Variants in MYO1B observed in about 807,000 individuals in gnomAD.
The protein encoded by MYO1B is unconventional myosin-Ib.
MYO1B carries 72 observed loss-of-function variants against 159.7 expected under a neutral mutation model. The observed-to-expected ratio is 0.45, with a 90% CI of 0.37 to 0.55. The LOEUF (loss-of-function observed/expected upper bound fraction) is 0.55, where lower values mean the gene tolerates loss of function less well. Ranked by LOEUF, MYO1B falls within the 20% of genes least tolerant of loss-of-function variation. The pLI, the probability that MYO1B is intolerant of heterozygous loss-of-function variation, is 0.00. For synonymous variants in MYO1B, 468 were observed against 473.8 expected (o/e 0.99, Z 0.16); for missense variants, 1,062 against 1,364.8 (o/e 0.78, Z 3.50).
chr2:191,368,490 TA>T lies in MYO1B; in HGVS notation c.1033-1051del, dbSNP rs200288433. Among the ~76,000 whole-genome samples the T allele has an allele frequency of 1.2e-3, 186 of 152,330 alleles. 1 individual carries two copies. The highest frequency in any genetic ancestry group is 4.2e-3 in the African/African-American group (173 of 41,562). ...GGCACTCGGTGCATTTAAGGGTGTT[TA>T]GATTCTTCTGTCCAAACCTGACTTT... On this transcript the variant is annotated intron_variant, in intron 11 of 30. Coordinates refer to ENST00000392318, the MANE Select transcript of MYO1B (RefSeq NM_001130158.3).
intron 2 of MYO1B, among the ~76,000 whole-genome samples, chr2:191,279,923 C>T (rs151107143): frequency 2.0e-3 from 304 of 152,238 alleles, no homozygotes; most frequent in African/African-American, 7.1e-3. Context: ...GACCCTTGCC[C>T]CAGACTTTTG....
intron 21 of MYO1B, 47 bp downstream of exon 21, chr2:191,396,544 T>A (rs985379389): frequency 6.3e-7 from 1 of 1,589,528 alleles, no homozygotes; most frequent in Admixed American, 1.7e-5. Context: ...TTTTCTGGTT[T>A]TTCACAAAGG....
intron 21 of MYO1B, among the ~76,000 whole-genome samples, chr2:191,398,335 C>A (rs1476911839): frequency 8.1e-6 from 1 of 123,860 alleles, no homozygotes; most frequent in Non-Finnish European, 1.8e-5. Context: ...GCTGGCCGGG[C>A]AGGGGGGCTC....
chr2:191,397,164 G>T (rs1574601921), intron 21 of MYO1B, among the ~76,000 whole-genome samples: 6 of 90,882 alleles, frequency 6.6e-5, no homozygotes, highest in East Asian at 3.3e-4. Context: ...TTTTGTAGGT[G>T]GGATGTATTT....
chr2:191,408,146 C>A lies in MYO1B; in HGVS notation c.2588C>A (p.Ala863Asp). The A allele has an allele frequency of 6.2e-7, 1 of 1,613,078 alleles. No homozygotes were observed. The highest frequency in any genetic ancestry group is 8.5e-7 in the Non-Finnish European group (1 of 1,179,300). ...AGAGAATACAGGAAATTCTTCAGAGCCAATGCTGGAAAGAAAATCTATGAG... is the reference window on the plus strand; with the variant it reads ...AGAGAATACAGGAAATTCTTCAGAGACAATGCTGGAAAGAAAATCTATGAG... ...VRREYRKFFR[A>D]NAGKKIYEFT... The change falls in exon 25 of 31, where the codon GCC becomes GAC. Residue 863 changes from alanine (A) to aspartate (D), a missense_variant. Coordinates refer to ENST00000392318, the MANE Select transcript of MYO1B (RefSeq NM_001130158.3).
In MYO1B at chr2:191,416,307, C is replaced by T. The variant is rs745950334; in HGVS notation, c.3287+65C>T. On this transcript the variant is annotated intron_variant, in intron 30 of 30. Transcript: ENST00000392318. ...AGCTTTTTTGTTTTAGTTCAGCTCT[C>T]GATCTCATTCATTAATACAACTACT... 43 of 1,572,650 alleles carry T rather than the reference C, an allele frequency of 2.7e-5. No individual in the cohort carries two copies. In the African/African-American group the frequency reaches 2.8e-4, roughly 10 times the overall value.
At chr2:191,308,993 T>C (rs528740177) in intron 3 of MYO1B, among the ~76,000 whole-genome samples, 1 of 152,226 alleles carries the variant, frequency 6.6e-6, no homozygotes, top group Non-Finnish European at 1.5e-5. Context: ...GCTTTTTTCC[T>C]CTGTAGGCAT....
chr2:191,396,275 T>A (rs1022909916), intron 20 of MYO1B, among the ~76,000 whole-genome samples, 154 bp from the exon 21 acceptor site: 6 of 152,216 alleles, frequency 3.9e-5, no homozygotes, highest in Non-Finnish European at 8.8e-5. Context: ...AATATTGGAT[T>A]GTTTGATATT....
chr2:191,245,652 T>TCC (rs1685735904), intron 1 of MYO1B, 26 bp downstream of exon 1: 1 of 151,984 alleles, frequency 6.6e-6, no homozygotes, highest in African/African-American at 2.4e-5. Flanking sequence ...TCTCTCTCTC[T>TCC]CCCCTGCCCT....
intron 7 of MYO1B, among the ~76,000 whole-genome samples, chr2:191,355,736 G>A (rs1198839275): frequency 6.6e-6 from 1 of 152,228 alleles, no homozygotes; most frequent in East Asian, 1.9e-4. Flanking sequence ...TCACTGCTCA[G>A]CAAAGTATTT....
chr2:191,383,287 A>G lies in MYO1B; in HGVS notation c.1298A>G (p.Glu433Gly), dbSNP rs1016908955. The change falls in exon 15 of 31, where the codon GAA (glutamate) becomes GGA (glycine). Residue 433 changes from glutamate (E) to glycine (G), a missense_variant. Around this residue, in one of 5 missense-constraint regions of MYO1B, gnomAD observed 415 missense variants for 544.0 expected, o/e 0.76. Coordinates refer to ENST00000392318, the MANE Select transcript of MYO1B (RefSeq NM_001130158.3). The stretch of plus-strand genomic sequence containing the variant: ...TTCTGTTTTGTCTTTTAGGATATAG[A>G]ATGGACTCACATTGACTACTTCAAT... ...EQEEYIREDI[E>G]WTHIDYFNNA... 6.3e-7 allele frequency: 1 copy of G among 1,576,012 alleles called. No individual in the cohort carries two copies. The highest frequency in any genetic ancestry group is 8.6e-7 in the Non-Finnish European group (1 of 1,162,544).
At position 191,341,583 on chromosome 2, in the gene MYO1B, C is replaced by T. The variant is rs773576137; in HGVS notation, c.451+18C>T. The stretch of plus-strand genomic sequence containing the variant: ...CCTGGAAGGTAGGATGTGTTATGTT[C>T]ATTAAGTCGGTGTGACTCAAACAGT... On this transcript the variant is annotated intron_variant, in intron 5 of 30. Transcript: ENST00000392318. 4 of 1,594,604 alleles carry T rather than the reference C, an allele frequency of 2.5e-6. No individual in the cohort carries two copies. Among genetic ancestry groups the T allele is most frequent in the Non-Finnish European group, 3.4e-6 (4 of 1,163,358 alleles).
rs201069395 is a variant in MYO1B at position 191,414,682 on chromosome 2, C to G, written c.3159+13C>G. 1 of 1,599,012 alleles carries G rather than the reference C, an allele frequency of 6.3e-7. No individual in the cohort carries two copies. The highest frequency in any genetic ancestry group is 2.3e-5 in the East Asian group (1 of 44,384). ...CCACCTCAAAGAGGTAAAGGTTCAA[C>G]AGAAGATTTCTGTGCTTAATCTCTC... On this transcript the variant is annotated intron_variant, in intron 29 of 30. Transcript: ENST00000392318.
chr2:191,329,858 G>T (rs1691347397), intron 3 of MYO1B, 77 bp from the exon 4 acceptor site: 1 of 1,222,024 alleles, frequency 8.2e-7, no homozygotes, highest in Non-Finnish European at 1.2e-6. Context: ...GGCCCTTTAA[G>T]GAGCTTGTAG....
At chr2:191,282,415 A>G (rs922730816) in intron 2 of MYO1B, among the ~76,000 whole-genome samples, 8 of 152,218 alleles carry the variant, frequency 5.3e-5, no homozygotes, top group Non-Finnish European at 1.0e-4. Flanking sequence ...GAGTTCAGAC[A>G]ACCACCTGAG....
At chr2:191,399,418 T>C (rs992027305) in intron 21 of MYO1B, among the ~76,000 whole-genome samples, 6 of 152,078 alleles carry the variant, frequency 3.9e-5, no homozygotes, top group Admixed American at 6.6e-5. Flanking sequence ...TTTCACAGAT[T>C]GTCTGGCTGC....
At chr2:191,315,563 A>G (rs145878740) in intron 3 of MYO1B, among the ~76,000 whole-genome samples, 30 of 152,348 alleles carry the variant, frequency 2.0e-4, no homozygotes, top group African/African-American at 6.3e-4. Flanking sequence ...AGTCAAAGCA[A>G]AAAAGGGAAA....
chr2:191,249,102 T>C (rs928966936), intron 1 of MYO1B, among the ~76,000 whole-genome samples: 4 of 152,194 alleles, frequency 2.6e-5, no homozygotes, highest in Non-Finnish European at 4.4e-5. Flanking sequence ...GTAGATCTTA[T>C]ATTGCACTCA....
chr2:191,272,776 G>A (rs943644434), intron 1 of MYO1B, among the ~76,000 whole-genome samples: 1 of 152,134 alleles, frequency 6.6e-6, no homozygotes, highest in East Asian at 1.9e-4. Context: ...AAGATACCAC[G>A]GGCCATGGTT....
Sources: gnomAD v4.1 joint callset for allele counts (sites outside exome capture counted in the v4.1 genomes callset) on GRCh38, gnomAD v4.1.1 for gene constraint, gnomAD v4.1.1 regional missense constraint, MANE v1.5 for transcripts, NCBI Gene and HGNC (gene_info 2026-07-23, HGNC 2026-07-21) for gene names.